The following NOX5 variants were observed in gnomAD, a reference collection of about 807,000 sequenced individuals.
The protein encoded by NOX5 is NADPH oxidase, EF-hand calcium binding domain 5.
Under a neutral mutation model 85.7 loss-of-function variants are expected in NOX5, and 76 were observed. The ratio of observed to expected loss-of-function variants is 0.89; its 90% CI spans 0.74 to 1.07. NOX5 has a LOEUF of 1.07. Among genes scored for constraint, NOX5 ranks in the 50% least tolerant of loss-of-function variants. The pLI, the probability that NOX5 is intolerant of heterozygous loss-of-function variation, is 0.00. For missense variants in NOX5, 973 were observed against 999.5 expected, an observed-to-expected ratio of 0.97 and a Z score of 0.36; for synonymous variants, 405 against 401.4, an observed-to-expected ratio of 1.01 and a Z score of -0.11.
At chr15:69,048,527 T>G (rs893567850) in intron 13 of NOX5, among the ~76,000 whole-genome samples, 1 of 151,878 alleles carries the variant, frequency 6.6e-6, no homozygotes, top group Non-Finnish European at 1.5e-5. Context: ...AGTGAGACTC[T>G]GTCTCAAAAA....
At chr15:69,047,091 A>G in intron 11 of NOX5, 1 of 593,740 alleles carries the variant, frequency 1.7e-6, no homozygotes, top group South Asian at 2.2e-5. Context: ...CACCAGGAGC[A>G]GGGATGGGTG....
At chr15:69,021,787 T>C (rs12899318) in intron 1 of NOX5, among the ~76,000 whole-genome samples, 59,609 of 152,128 alleles carry the variant, frequency 0.39, 14,243 homozygotes, top group Non-Finnish European at 0.55. Context: ...TTAATGTATA[T>C]TTGGGGGTTT....
At chr15:69,041,413 A>G (rs1412462100) in intron 9 of NOX5, among the ~76,000 whole-genome samples, 1 of 152,202 alleles carries the variant, frequency 6.6e-6, no homozygotes, top group Non-Finnish European at 1.5e-5. Context: ...CATCAACTTG[A>G]ATGGAACATC....
intron 13 of NOX5, among the ~76,000 whole-genome samples, chr15:69,048,285 C>A (rs2050701688): frequency 6.6e-6 from 1 of 152,214 alleles, no homozygotes; most frequent in Admixed American, 6.5e-5. Flanking sequence ...GTAATCCTAG[C>A]ACTTTGGGAG....
chr15:69,042,842 G>T, intron 10 of NOX5, 37 bp downstream of exon 10: 1 of 1,600,572 alleles, frequency 6.2e-7, no homozygotes, highest in Non-Finnish European at 8.5e-7. Flanking sequence ...CCACTCTGCT[G>T]GCAAGTCCAC....
intron 9 of NOX5, among the ~76,000 whole-genome samples, chr15:69,041,207 A>C (rs745797655): frequency 2.0e-5 from 3 of 152,162 alleles, no homozygotes; most frequent in Non-Finnish European, 2.9e-5. Context: ...CCTAGGTCTG[A>C]GTCATTGCTT....
chr15:69,016,311 C>A (rs878915608), intron 1 of NOX5, among the ~76,000 whole-genome samples: 1 of 152,230 alleles, frequency 6.6e-6, no homozygotes, highest in African/African-American at 2.4e-5. Context: ...ATCTCACCCC[C>A]CTCCTCCACA....
At chr15:69,042,888 C>T in intron 10 of NOX5, 83 bp downstream of exon 10, 1 of 1,440,786 alleles carries the variant, frequency 6.9e-7, no homozygotes. Context: ...CAGTGAGCAT[C>T]AATTATTGAG....
intron 1 of NOX5, among the ~76,000 whole-genome samples, chr15:69,025,869 C>T (rs949923616): frequency 6.6e-6 from 1 of 152,110 alleles, no homozygotes; most frequent in African/African-American, 2.4e-5. Context: ...ACAGCCAATA[C>T]CCTGGTGACA....
chr15:69,047,347 C>A, intron 11 of NOX5, 66 bp from the exon 12 acceptor site: 4 of 1,488,608 alleles, frequency 2.7e-6, no homozygotes, highest in South Asian at 1.4e-5. Flanking sequence ...CTGGGGACAT[C>A]CCCTGGTAGC....
intron 12 of NOX5, 37 bp downstream of exon 12, chr15:69,047,574 C>A: frequency 6.3e-7 from 1 of 1,598,256 alleles, no homozygotes; most frequent in South Asian, 1.1e-5. Context: ...CATCCTGGGT[C>A]AGAGCCCCAA....
At chr15:69,029,175 C>CT (rs1452875205) in intron 3 of NOX5, 10 of 152,184 alleles carry the variant, frequency 6.6e-5, no homozygotes, top group Non-Finnish European at 1.3e-4. Flanking sequence ...CCCTGGCAAC[C>CT]ACCATTCTAT....
At chr15:69,048,906 C>A in intron 13 of NOX5, 53 bp from the exon 14 acceptor site, 2 of 1,363,940 alleles carry the variant, frequency 1.5e-6, no homozygotes, top group South Asian at 2.5e-5. Context: ...AGATGTGAGC[C>A]TCCTGCAAAT....
At chr15:69,015,108 C>T (rs1333682238) in intron 1 of NOX5, among the ~76,000 whole-genome samples, 1 of 152,198 alleles carries the variant, frequency 6.6e-6, no homozygotes, top group Non-Finnish European at 1.5e-5. Flanking sequence ...TGGAGAGATG[C>T]TTGTGGGCTG....
intron 5 of NOX5, among the ~76,000 whole-genome samples, chr15:69,034,996 G>T (rs1003758015): frequency 3.9e-5 from 6 of 152,018 alleles, no homozygotes; most frequent in Admixed American, 2.6e-4. Flanking sequence ...AAACTCCTAG[G>T]CTCCAGTGAT....
rs1364973487 is a variant in NOX5, at chr15:69,034,132, G to T, written c.855+855G>T. ...GGAAGATTCATCATTGATGAGCAGG[G>T]ATGCCCATCTCTAGCTCAGATACGC... On this transcript the variant is annotated intron_variant, in intron 5 of 15. Transcript: ENST00000388866. Among the ~76,000 whole-genome samples the T allele has an allele frequency of 2.0e-5, 3 of 152,260 alleles. No homozygotes were observed. The East Asian group carries it at 5.8e-4, about 29-fold the overall frequency.
intron 7 of NOX5, among the ~76,000 whole-genome samples, chr15:69,036,148 C>CT (rs1260756660): frequency 1.1e-4 from 16 of 151,870 alleles, no homozygotes; most frequent in Non-Finnish European, 2.4e-4. Flanking sequence ...AAGAGTCTGC[C>CT]TTTTTGCTGG....
In NOX5 at chr15:69,031,576, C is replaced by T. The variant is rs1413162320; in HGVS notation, c.384C>T (p.His128=). The T allele has an allele frequency of 1.9e-6, 3 of 1,612,886 alleles. No homozygotes were observed. In the South Asian group the frequency reaches 3.3e-5, roughly 18 times the overall value. ...GTEWGAGAGP[H]WASSPLGTGS... is the part of the protein sequence containing the mutation. ...AGTGGGGTGCTGGGGCAGGCCCGCA[C>T]TGGGCTTCATCCCCACTCGGGACAG... The change falls in exon 4 of 16, where the codon CAC becomes CAT. Residue 128 remains histidine (H), a synonymous_variant. Coordinates refer to ENST00000388866, the MANE Select transcript of NOX5 (RefSeq NM_024505.4).
chr15:69,024,283 T>G (rs1381067998), intron 1 of NOX5: 1 of 152,186 alleles, frequency 6.6e-6, no homozygotes, highest in Non-Finnish European at 1.5e-5. Flanking sequence ...CGAGAGACAG[T>G]ACAGCCCTGT....
Sources: gnomAD v4.1 joint callset for allele counts (sites outside exome capture counted in the v4.1 genomes callset) on GRCh38, gnomAD v4.1.1 for gene constraint, MANE v1.5 for transcripts, NCBI Gene and HGNC (gene_info 2026-07-23, HGNC 2026-07-21) for gene names.